TMEM255A: variants seen among roughly 807,000 people sequenced by gnomAD.
The protein encoded by TMEM255A is transmembrane protein 255A.
Under a neutral mutation model 23.5 loss-of-function variants are expected in TMEM255A, and 14 were observed. The observed-to-expected ratio is 0.60, with a 90% CI of 0.39 to 0.93. The LOEUF is 0.93. Among genes scored for constraint, TMEM255A ranks in the 40% least tolerant of loss-of-function variants. The pLI is 0.00. For missense variants in TMEM255A, 233 were observed against 261.7 expected, an observed-to-expected ratio of 0.89 and a Z score of 0.76; for synonymous variants, 104 against 100.3, an observed-to-expected ratio of 1.04 and a Z score of -0.22.
chrX:120,311,046 C>G (rs1483851673), intron 1 of TMEM255A, among the ~76,000 whole-genome samples: 1 of 110,892 alleles, frequency 9.0e-6, no homozygotes, highest in Non-Finnish European at 1.9e-5. Context: ...GCTTGGCGCT[C>G]CGATCTCCGC....
At chrX:120,282,178 T>C (rs2057841589) in intron 6 of TMEM255A, among the ~76,000 whole-genome samples, 1 of 111,907 alleles carries the variant, frequency 8.9e-6, no homozygotes, top group African/African-American at 3.3e-5. Flanking sequence ...TTTAGGTCTC[T>C]TTGGCTCTGG....
chrX:120,266,422 C>G (rs782173294), intron 8 of TMEM255A, among the ~76,000 whole-genome samples: 17 of 109,602 alleles, frequency 1.6e-4, no homozygotes, highest in Non-Finnish European at 2.3e-4. Context: ...GCACATGGAA[C>G]ACAGAGTAAA....
intron 7 of TMEM255A, among the ~76,000 whole-genome samples, chrX:120,276,035 A>G (rs1406261707): frequency 9.1e-6 from 1 of 110,342 alleles, no homozygotes; most frequent in Admixed American, 9.7e-5. Context: ...GGCTTAGTCA[A>G]TCCTCCTGTC....
intron 2 of TMEM255A, among the ~76,000 whole-genome samples, chrX:120,301,888 G>T (rs2058035801): frequency 2.7e-5 from 3 of 111,560 alleles, no homozygotes; most frequent in African/African-American, 9.8e-5. Flanking sequence ...CTGTTTCTGA[G>T]GTATGAGTCG....
chrX:120,266,214 G>C (rs781845493), intron 8 of TMEM255A, among the ~76,000 whole-genome samples: 1 of 109,262 alleles, frequency 9.2e-6, no homozygotes, highest in Non-Finnish European at 1.9e-5. Context: ...CAAGCCCATA[G>C]TATAGGTTTG....
At chrX:120,287,332 C>T (rs1235570929) in intron 4 of TMEM255A, 110 bp from the exon 5 acceptor site, 1 of 559,610 alleles carries the variant, frequency 1.8e-6, no homozygotes, top group Non-Finnish European at 3.0e-6. Context: ...CACACACACA[C>T]ACACAGAAGC....
chrX:120,268,555 A>G (rs1451967225), intron 7 of TMEM255A, among the ~76,000 whole-genome samples, 168 bp from the exon 8 acceptor site: 1 of 112,051 alleles, frequency 8.9e-6, no homozygotes, highest in Non-Finnish European at 1.9e-5. Flanking sequence ...TTTAAAAGCC[A>G]TTATGTTACA....
At chrX:120,304,620 G>A (rs2058052633) in intron 1 of TMEM255A, 129 bp from the exon 2 acceptor site, 3 of 678,630 alleles carry the variant, frequency 4.4e-6, no homozygotes, top group Non-Finnish European at 4.4e-6. Flanking sequence ...TGGTGGTGAC[G>A]GGTGGGGGGT....
intron 2 of TMEM255A, among the ~76,000 whole-genome samples, chrX:120,295,977 T>C: frequency 8.9e-6 from 1 of 112,153 alleles, no homozygotes; most frequent in Middle Eastern, 4.6e-3. Flanking sequence ...CTAAGAGAAT[T>C]TCCTTGTTCC....
At chrX:120,282,216 A>T (rs782052584) in intron 6 of TMEM255A, among the ~76,000 whole-genome samples, 6 of 111,645 alleles carry the variant, frequency 5.4e-5, no homozygotes, top group Non-Finnish European at 1.1e-4. Context: ...TCAAGAAAAA[A>T]CATTTTCCTC....
intron 7 of TMEM255A, among the ~76,000 whole-genome samples, chrX:120,270,213 G>T (rs2057747039): frequency 9.0e-6 from 1 of 111,262 alleles, no homozygotes; most frequent in African/African-American, 3.3e-5. Flanking sequence ...TAGTGGTCTG[G>T]TTATATTTTA....
chrX:120,288,206 C>T (rs1556022212), intron 4 of TMEM255A, among the ~76,000 whole-genome samples: 1 of 112,238 alleles, frequency 8.9e-6, no homozygotes, highest in African/African-American at 3.2e-5. Context: ...TTTCCCCACA[C>T]ATGTGATTTA....
At chrX:120,267,283 G>T (rs2057724211) in intron 8 of TMEM255A, among the ~76,000 whole-genome samples, 1 of 112,090 alleles carries the variant, frequency 8.9e-6, no homozygotes, top group South Asian at 3.7e-4. Context: ...AAATTAGGTT[G>T]CCCAAGGGCT....
chrX:120,261,110 GGGCCAAAGCTTTTT>G, intron 8 of TMEM255A, 82 bp from the exon 9 acceptor site: 1 of 1,085,130 alleles, frequency 9.2e-7, no homozygotes, highest in Non-Finnish European at 1.2e-6. Flanking sequence ...AAATGAATAT[GGGCCAAAGCTTTTT>G]TTCTATTTGG....
intron 1 of TMEM255A, chrX:120,309,978 G>A (rs1481846051): frequency 9.0e-6 from 1 of 111,236 alleles, no homozygotes; most frequent in Non-Finnish European, 1.9e-5. Flanking sequence ...ACACTTTCTG[G>A]GGCCCCTCCG....
At chrX:120,285,739 T>C (rs782412211) in intron 5 of TMEM255A, 1 of 1,206,519 alleles carries the variant, frequency 8.3e-7, no homozygotes, top group Non-Finnish European at 1.1e-6. Context: ...GGGTTACAAG[T>C]GAACCTATGG....
intron 5 of TMEM255A, among the ~76,000 whole-genome samples, chrX:120,285,456 T>C (rs1341494020): frequency 2.7e-5 from 3 of 110,713 alleles, no homozygotes; most frequent in African/African-American, 9.9e-5. Flanking sequence ...CATCCCTGAA[T>C]GGTGGAGATG....
intron 2 of TMEM255A, among the ~76,000 whole-genome samples, chrX:120,296,380 CTCTATTCTATTCTATTCTAT>C (rs5903573): frequency 1.2e-4 from 9 of 74,066 alleles, no homozygotes; most frequent in African/African-American, 2.2e-4. Flanking sequence ...TCCCCTTCTC[CTCTATTCTATTCTATTCTAT>C]TCTATTCTAT....
intron 6 of TMEM255A, among the ~76,000 whole-genome samples, chrX:120,279,115 A>C (rs1248435339): frequency 8.9e-6 from 1 of 112,091 alleles, no homozygotes; most frequent in Non-Finnish European, 1.9e-5. Flanking sequence ...TGTTTTTAAT[A>C]GTAAGCTTCC....
Sources: allele counts gnomAD v4.1 joint callset (sites outside exome capture counted in the v4.1 genomes callset), GRCh38; gene constraint gnomAD v4.1.1; transcripts MANE v1.5; gene names NCBI Gene and HGNC (gene_info 2026-07-23, HGNC 2026-07-21).